GAPDHS: variants seen among roughly 807,000 people sequenced by gnomAD.
GAPDHS encodes the protein glyceraldehyde-3-phosphate dehydrogenase, spermatogenic, also known as glyceraldehyde-3-phosphate dehydrogenase, testis-specific.
A neutral mutation model predicts 48.7 loss-of-function variants in GAPDHS; 42 were observed. That is an observed-to-expected ratio of 0.86 (90% CI 0.67 to 1.12). The LOEUF (loss-of-function observed/expected upper bound fraction) is 1.12, where lower values mean the gene tolerates loss of function less well. Among genes scored for constraint, GAPDHS ranks in the 50% most tolerant of loss-of-function variants. The probability of loss-of-function intolerance (pLI) is 0.00; values close to 1 mark genes in which losing one functional copy is unlikely to be tolerated. For missense variants in GAPDHS, 512 were observed against 557.7 expected (o/e 0.92, Z 0.82); for synonymous variants, 166 against 219.1 (o/e 0.76, Z 2.14).
intron 1 of GAPDHS, among the ~76,000 whole-genome samples, chr19:35,534,276 TTCCC>T (rs1207444375): frequency 2.0e-5 from 3 of 150,882 alleles, no homozygotes; most frequent in African/African-American, 4.8e-5. Flanking sequence ...TCCCACACTG[TTCCC>T]TCACTTCCCA....
intron 1 of GAPDHS, among the ~76,000 whole-genome samples, chr19:35,534,951 T>C (rs906930081): frequency 2.6e-5 from 4 of 151,062 alleles, no homozygotes; most frequent in African/African-American, 9.8e-5. Context: ...CCCTGCTGTC[T>C]CCCTTTCCTC....
chr19:35,537,384 G>A (rs894609332), intron 2 of GAPDHS, among the ~76,000 whole-genome samples: 1 of 152,164 alleles, frequency 6.6e-6, no homozygotes, highest in Non-Finnish European at 1.5e-5. Context: ...AGCGGGACAA[G>A]CAATGATTCT....
At chr19:35,538,535 A>G in intron 3 of GAPDHS, 42 bp from the exon 4 acceptor site, 1 of 1,361,538 alleles carries the variant, frequency 7.3e-7, no homozygotes, top group South Asian at 1.2e-5. Flanking sequence ...AGGGATCCTC[A>G]CCCTGCCACC....
intron 1 of GAPDHS, among the ~76,000 whole-genome samples, chr19:35,534,986 C>A (rs1304032115): frequency 6.6e-6 from 1 of 152,146 alleles, no homozygotes; most frequent in Non-Finnish European, 1.5e-5. Flanking sequence ...GATCAGACTT[C>A]CCTCCTCTAT....
intron 3 of GAPDHS, 56 bp from the exon 4 acceptor site, chr19:35,538,521 C>G: frequency 7.7e-7 from 1 of 1,294,702 alleles, no homozygotes. Flanking sequence ...AGAGGGGACT[C>G]TCTAGGGATC....
At chr19:35,536,616 G>C (rs1377882124) in intron 1 of GAPDHS, among the ~76,000 whole-genome samples, 197 bp from the exon 2 acceptor site, 1 of 151,944 alleles carries the variant, frequency 6.6e-6, no homozygotes, top group Non-Finnish European at 1.5e-5. Context: ...CAGTGAATTA[G>C]AATCTCCAGG....
chr19:35,542,088 T>A, intron 4 of GAPDHS: 1 of 559,472 alleles, frequency 1.8e-6, no homozygotes, highest in Non-Finnish European at 3.2e-6. Flanking sequence ...TACCCAGGCA[T>A]AACAGGGGTG....
chr19:35,543,757 C>A lies in GAPDHS; in HGVS notation c.986C>A (p.Ala329Asp), dbSNP rs768416084. ...CTCGCCCAGCCTGCCCCCTACTCAGCCATCAAGGAGGCTGTAAAAGCAGCA... is the reference window on the plus strand; with the variant it reads ...CTCGCCCAGCCTGCCCCCTACTCAGACATCAAGGAGGCTGTAAAAGCAGCA... ...CRLAQPAPYS[A>D]IKEAVKAAAK... Residue 329 changes from alanine (A) to aspartate (D), a missense_variant, in exon 9 of 11, where the codon GCC becomes GAC. Physicochemically the swap from Ala to Asp is moderately radical, Grantham distance 126 (BLOSUM62 -2). Coordinates refer to ENST00000222286, the MANE Select transcript of GAPDHS (RefSeq NM_014364.5). 5 of 1,613,956 alleles carry A rather than the reference C, an allele frequency of 3.1e-6. No homozygotes were observed. The highest frequency in any genetic ancestry group is 4.2e-6 in the Non-Finnish European group (5 of 1,179,994).
In GAPDHS at chr19:35,538,610, C is replaced by T. The variant is rs2071481360; in HGVS notation, c.376C>T (p.Arg126Ter). ...GTTTAAGTATGACTCCACCCACGGC[C>T]GATACAAGGGAAGTGTGGAATTCAG... is the stretch of plus-strand genomic sequence containing the variant. Reference protein sequence around the residue: ...YMFKYDSTHGRYKGSVEFRNG... With the variant: ...YMFKYDSTHG The change falls in exon 4 of 11, where the codon CGA (arginine) becomes TGA (stop). Residue 126 changes from arginine to a stop codon, truncating the protein, a stop_gained. Transcript: ENST00000222286. LOFTEE classifies it high-confidence loss of function. 5.6e-6 allele frequency: 9 copies of T among 1,611,338 alleles called. No individual in the cohort carries two copies. The highest frequency in any genetic ancestry group is 2.2e-5 in the East Asian group (1 of 44,858).
At chr19:35,536,327 C>T (rs1010158222) in intron 1 of GAPDHS, among the ~76,000 whole-genome samples, 13 of 152,014 alleles carry the variant, frequency 8.6e-5, no homozygotes, top group Non-Finnish European at 1.5e-4. Flanking sequence ...CACCTGTAAT[C>T]CCAGCACTTT....
intron 9 of GAPDHS, 112 bp downstream of exon 9, chr19:35,543,939 G>T: frequency 7.0e-7 from 1 of 1,434,158 alleles, no homozygotes; most frequent in South Asian, 1.5e-5. Context: ...AGGGCAGGAA[G>T]GGAGATCTCC....
chr19:35,545,037 G>A (rs1227267923), intron 10 of GAPDHS, 31 bp downstream of exon 10: 1 of 1,604,666 alleles, frequency 6.2e-7, no homozygotes, highest in Non-Finnish European at 8.5e-7. Context: ...GACTTAGAGG[G>A]AGGGGAACTA....
intron 1 of GAPDHS, 151 bp downstream of exon 1, chr19:35,533,745 C>A: frequency 1.7e-6 from 1 of 597,940 alleles, no homozygotes; most frequent in Non-Finnish European, 2.9e-6. Flanking sequence ...CCCTCCACAC[C>A]CGCCAGTGTG....
At chr19:35,544,828 A>G in intron 9 of GAPDHS, 81 bp from the exon 10 acceptor site, 1 of 819,366 alleles carries the variant, frequency 1.2e-6, no homozygotes, top group Non-Finnish European at 2.2e-6. Context: ...TGGATGGGCG[A>G]TAGAGTTAAG....
At chr19:35,533,998 G>A (rs2071448773) in intron 1 of GAPDHS, among the ~76,000 whole-genome samples, 1 of 152,204 alleles carries the variant, frequency 6.6e-6, no homozygotes, top group Admixed American at 6.5e-5. Context: ...TGCCCTCCCT[G>A]TGATGCACAA....
rs1276370089 is a variant in GAPDHS, at chr19:35,545,219, T to C, written c.*49T>C. On this transcript the variant is annotated 3_prime_UTR_variant, in exon 11 of 11. Coordinates refer to ENST00000222286, the MANE Select transcript of GAPDHS (RefSeq NM_014364.5). ...TCCCAGGGGCCGGGGCCGGAACATG[T>C]GCCTCCCGTTCCAGCATCTGGCTGC... The C allele has an allele frequency of 6.7e-7, 1 of 1,490,996 alleles. No homozygotes were observed. Among genetic ancestry groups the C allele is most frequent in the African/African-American group, 1.4e-5 (1 of 72,442 alleles). 92.4% of individuals were successfully genotyped at this position (1,490,996 alleles called of 1,614,324 possible).
At chr19:35,540,002 G>C (rs1334891338) in intron 4 of GAPDHS, among the ~76,000 whole-genome samples, 1 of 152,232 alleles carries the variant, frequency 6.6e-6, no homozygotes, top group East Asian at 1.9e-4. Context: ...CGCACTGTTG[G>C]GCTGCACAAG....
In GAPDHS at chr19:35,543,692, A is replaced by G; in HGVS notation, c.921A>G (p.Val307=). The G allele has an allele frequency of 6.2e-7, 1 of 1,614,004 alleles. No individual in the cohort carries two copies. Among genetic ancestry groups the G allele is most frequent in the Non-Finnish European group, 8.5e-7 (1 of 1,179,926 alleles). ...KGKLTGMAFR[V]PTPDVSVVDL... ...AGCTGACAGGGATGGCGTTCCGGGTACCAACCCCGGATGTGTCTGTCGTGG... is the reference window on the plus strand; with the variant it reads ...AGCTGACAGGGATGGCGTTCCGGGTGCCAACCCCGGATGTGTCTGTCGTGG... The change falls in exon 9 of 11, where the codon GTA becomes GTG. Residue 307 remains valine, a synonymous_variant. Coordinates refer to ENST00000222286, the MANE Select transcript of GAPDHS (RefSeq NM_014364.5).
Position 35,543,044 on chromosome 19 carries a change from G to A in GAPDHS, c.741+18G>A, listed in dbSNP as rs763330826. 6.3e-7 allele frequency: 1 copy of A among 1,578,770 alleles called. No individual in the cohort carries two copies. The highest frequency in any genetic ancestry group is 1.1e-5 in the South Asian group (1 of 90,416). On this transcript the variant is annotated intron_variant, in intron 7 of 10. Coordinates refer to ENST00000222286, the MANE Select transcript of GAPDHS (RefSeq NM_014364.5). ...GGTTGATGGTGAGTTGAGGATGAGGGGCTGGGGCAGGAAGGATGGCAGGGA... is the reference window on the plus strand; with the variant it reads ...GGTTGATGGTGAGTTGAGGATGAGGAGCTGGGGCAGGAAGGATGGCAGGGA...
Sources: allele counts gnomAD v4.1 joint callset (sites outside exome capture counted in the v4.1 genomes callset), GRCh38; gene constraint gnomAD v4.1.1; transcripts MANE v1.5; gene names NCBI Gene and HGNC (gene_info 2026-07-23, HGNC 2026-07-21).